Variants in CCDC7 observed in about 807,000 individuals in gnomAD.
CCDC7 encodes the protein coiled-coil domain containing 7.
Under a neutral mutation model 196.9 loss-of-function variants are expected in CCDC7, and 183 were observed. That is an observed-to-expected ratio of 0.93 (90% CI 0.82 to 1.05). The LOEUF (loss-of-function observed/expected upper bound fraction) is 1.05, where lower values mean the gene tolerates loss of function less well. Among genes scored for constraint, CCDC7 ranks in the 50% least tolerant of loss-of-function variants. The probability of loss-of-function intolerance (pLI) is 0.00; values close to 1 mark genes in which losing one functional copy is unlikely to be tolerated. For missense variants in CCDC7, 1,540 were observed against 1,482.2 expected (o/e 1.04, Z -0.64); for synonymous variants, 525 against 484.6 (o/e 1.08, Z -1.10).
At chr10:32,450,177 G>A (rs1334576149), upstream of CCDC7, among the ~76,000 whole-genome samples, 1 of 152,172 alleles carries the variant, frequency 6.6e-6, no homozygotes, top group Non-Finnish European at 1.5e-5. Flanking sequence ...CCTGCTAAGG[G>A]CTCTAGGGAA....
intron 18 of CCDC7, among the ~76,000 whole-genome samples, chr10:32,616,414 A>G (rs1030161279): frequency 9.2e-5 from 14 of 151,792 alleles, no homozygotes; most frequent in African/African-American, 2.9e-4. Context: ...TTTCATTTTT[A>G]TAGCCATTGT....
At chr10:32,728,785 G>A in intron 26 of CCDC7, 102 bp from the exon 28 acceptor site, 1 of 580,668 alleles carries the variant, frequency 1.7e-6, no homozygotes, top group Non-Finnish European at 2.9e-6. Flanking sequence ...CTAGCATTAT[G>A]GTAATTTACT....
chr10:32,491,820 ATGTT>A (rs1335876029), intron 8 of CCDC7, 98 bp from the exon 10 acceptor site: 1 of 1,130,410 alleles, frequency 8.8e-7, no homozygotes, highest in Non-Finnish European at 1.2e-6. Flanking sequence ...GCCCCTCTTT[ATGTT>A]TGTTTAGCTT....
chr10:32,863,210 G>C (rs893478734), intron 41 of CCDC7, among the ~76,000 whole-genome samples: 1 of 151,884 alleles, frequency 6.6e-6, no homozygotes, highest in Non-Finnish European at 1.5e-5. Context: ...ACAGATAAAA[G>C]GTAAAAACAA....
chr10:32,696,207 A>G (rs2077702526), intron 24 of CCDC7, among the ~76,000 whole-genome samples: 1 of 152,096 alleles, frequency 6.6e-6, no homozygotes, highest in African/African-American at 2.4e-5. Context: ...GGGTTCCATA[A>G]TGATGGAAGT....
At chr10:32,538,098 ACAATATTGAGTCTCCCTATC>A (rs2050813368) in intron 11 of CCDC7, among the ~76,000 whole-genome samples, 1 of 152,162 alleles carries the variant, frequency 6.6e-6, no homozygotes, top group Admixed American at 6.5e-5. Flanking sequence ...GACCATTTTA[ACAATATTGAGTCTCCCTATC>A]CATGAGCATG....
chr10:32,530,356 T>G lies in CCDC7; in HGVS notation c.993+11851T>G, dbSNP rs146375738. On this transcript the variant is annotated intron_variant, in intron 11 of 41. Transcript: ENST00000639629. ...AATTGCATTGAGTTTGTAGATTGCT[T>G]TTGGCAGTATGGTCATACATACCTC... Among the ~76,000 whole-genome samples the G allele has an allele frequency of 8.5e-3, 1,277 of 149,884 alleles. 27 individuals are homozygous for G. Among genetic ancestry groups the G allele is most frequent in the African/African-American group, 0.028 (1,176 of 41,458 alleles).
chr10:32,779,091 A>G lies in CCDC7; in HGVS notation c.3013+7A>G, dbSNP rs1244972793. 7.9e-6 allele frequency: 12 copies of G among 1,520,540 alleles called. No homozygotes were observed. The highest frequency in any genetic ancestry group is 1.4e-5 in the African/African-American group (1 of 72,196). 94.2% of individuals were successfully genotyped at this position (1,520,540 alleles called of 1,614,324 possible). A position where few individuals can be genotyped will look rare whatever the true frequency, so the allele number is the denominator to read the frequency against. ...GATTTAAACAAAGTGGTCGGTAAGTATAGATTTATGTTTGGATACAGTAGA... is the reference window on the plus strand; with the variant it reads ...GATTTAAACAAAGTGGTCGGTAAGTGTAGATTTATGTTTGGATACAGTAGA... On this transcript the variant is annotated splice_region_variant and intron_variant, in intron 29 of 41. Coordinates refer to ENST00000639629, the Ensembl canonical transcript of CCDC7.
At chr10:32,675,155 T>C (rs1310900779) in intron 21 of CCDC7, among the ~76,000 whole-genome samples, 1 of 152,102 alleles carries the variant, frequency 6.6e-6, no homozygotes, top group Non-Finnish European at 1.5e-5. Flanking sequence ...CTCTCTGTTT[T>C]ATAGCTGTGC....
At chr10:32,876,898 CT>C (rs1412713304), downstream of CCDC7, 1 of 152,222 alleles carries the variant, frequency 6.6e-6, no homozygotes, top group Non-Finnish European at 1.5e-5. Flanking sequence ...TTACTGTCCC[CT>C]GAAGAGCATA....
At chr10:32,476,133 G>A (rs12220001) in intron 8 of CCDC7, among the ~76,000 whole-genome samples, 13,297 of 152,162 alleles carry the variant, frequency 0.087, 856 homozygotes, top group East Asian at 0.33. Context: ...TTTGACAAAT[G>A]TATCATGTCT....
intron 25 of CCDC7, among the ~76,000 whole-genome samples, chr10:32,726,475 T>C (rs1441563384): frequency 2.6e-5 from 4 of 152,088 alleles, no homozygotes; most frequent in Admixed American, 6.6e-5. Flanking sequence ...AATCAATGAA[T>C]TCTGAAGACC....
intron 9 of CCDC7, among the ~76,000 whole-genome samples, chr10:32,498,109 A>G (rs2043199387): frequency 6.6e-6 from 1 of 152,100 alleles, no homozygotes; most frequent in South Asian, 2.1e-4. Context: ...TAGGATAGTT[A>G]GCTCTTCTTG....
chr10:32,634,623 C>T (rs1204354243), intron 19 of CCDC7, among the ~76,000 whole-genome samples: 1 of 152,152 alleles, frequency 6.6e-6, no homozygotes, highest in Non-Finnish European at 1.5e-5. Flanking sequence ...TCTCGAACTC[C>T]TGACCTCGTG....
chr10:32,741,038 A>T (rs1285579793), intron 28 of CCDC7, among the ~76,000 whole-genome samples: 2 of 152,092 alleles, frequency 1.3e-5, no homozygotes, highest in Non-Finnish European at 2.9e-5. Context: ...ATTTTATACT[A>T]TATAATCTTA....
intron 29 of CCDC7, among the ~76,000 whole-genome samples, chr10:32,787,861 A>G (rs1311015431): frequency 6.6e-5 from 10 of 152,028 alleles, no homozygotes; most frequent in Non-Finnish European, 2.9e-5. Context: ...ACATCTCCAC[A>G]GACTCAAGCT....
At chr10:32,647,439 G>A (rs1169818144) in intron 20 of CCDC7, among the ~76,000 whole-genome samples, 2 of 13,902 alleles carry the variant, frequency 1.4e-4, no homozygotes, top group African/African-American at 2.8e-4. Flanking sequence ...AGCCCTGGGG[G>A]GTAGAGGTTG....
chr10:32,536,324 A>G (rs1372022831), intron 11 of CCDC7, among the ~76,000 whole-genome samples: 2 of 151,494 alleles, frequency 1.3e-5, no homozygotes, highest in Non-Finnish European at 1.5e-5. Flanking sequence ...CCAGCTAGCC[A>G]TCAGAAAACA....
intron 5 of CCDC7, 99 bp from the exon 7 acceptor site, chr10:32,470,965 A>G: frequency 8.4e-7 from 1 of 1,188,196 alleles, no homozygotes. Flanking sequence ...GAAAAATATA[A>G]AAATTACTTT....
Sources: allele counts gnomAD v4.1 joint callset (sites outside exome capture counted in the v4.1 genomes callset), GRCh38; gene constraint gnomAD v4.1.1; transcripts MANE v1.5; gene names NCBI Gene and HGNC (gene_info 2026-07-23, HGNC 2026-07-21).